The following COL14A1 variants were observed in gnomAD, a reference collection of about 807,000 sequenced individuals.
COL14A1 encodes collagen alpha-1(XIV) chain.
A neutral mutation model predicts 230.3 loss-of-function variants in COL14A1; 136 were observed. The ratio of observed to expected loss-of-function variants is 0.59; its 90% CI spans 0.51 to 0.68. COL14A1 has a LOEUF of 0.68. Ranked by LOEUF, COL14A1 falls within the 30% of genes least tolerant of loss-of-function variation. The probability of loss-of-function intolerance (pLI) is 0.00; values close to 1 mark genes in which losing one functional copy is unlikely to be tolerated. For synonymous variants in COL14A1, 792 were observed against 784.1 expected (o/e 1.01, Z -0.17); for missense variants, 1,976 against 2,215.8 (o/e 0.89, Z 2.17).
intron 34 of COL14A1, among the ~76,000 whole-genome samples, chr8:120,296,585 A>G (rs1476067086): frequency 5.3e-5 from 8 of 151,958 alleles, no homozygotes; most frequent in Admixed American, 5.3e-4. Flanking sequence ...ATTTAAAATG[A>G]AAACAATTTC....
intron 5 of COL14A1, among the ~76,000 whole-genome samples, chr8:120,175,810 C>A (rs897218131): frequency 6.6e-6 from 1 of 152,192 alleles, no homozygotes; most frequent in Non-Finnish European, 1.5e-5. Flanking sequence ...GGCACACAAT[C>A]CTTCACTAAA....
chr8:120,323,498 A>G (rs1036372229), intron 40 of COL14A1, among the ~76,000 whole-genome samples: 18 of 152,092 alleles, frequency 1.2e-4, no homozygotes, highest in Non-Finnish European at 4.4e-5. Context: ...GCCCGCTCCT[A>G]TGTCCTGAAT....
At chr8:120,315,495 C>T (rs763035968) in intron 38 of COL14A1, 38 bp from the exon 39 acceptor site, 1 of 1,537,802 alleles carries the variant, frequency 6.5e-7, no homozygotes, top group Non-Finnish European at 9.0e-7. Flanking sequence ...AAGAATTTAC[C>T]TATGTGAACT....
chr8:120,269,721 C>T (rs1819601914), intron 25 of COL14A1, among the ~76,000 whole-genome samples: 2 of 151,668 alleles, frequency 1.3e-5, no homozygotes, highest in Admixed American at 1.3e-4. Flanking sequence ...CTCTGAATCC[C>T]TGTAGTCCCA....
chr8:120,207,335 G>A (rs1002690863), intron 10 of COL14A1, among the ~76,000 whole-genome samples: 3 of 152,080 alleles, frequency 2.0e-5, no homozygotes, highest in Admixed American at 6.6e-5. Context: ...CTAACACAAC[G>A]TATTTTTCTT....
intron 5 of COL14A1, among the ~76,000 whole-genome samples, chr8:120,169,827 G>T (rs1303793294): frequency 6.6e-6 from 1 of 151,754 alleles, no homozygotes; most frequent in African/African-American, 2.4e-5. Context: ...AAATATGTTA[G>T]ATATAAAATG....
intron 14 of COL14A1, among the ~76,000 whole-genome samples, 153 bp downstream of exon 14, chr8:120,216,643 G>A (rs1172320931): frequency 1.3e-5 from 2 of 152,216 alleles, no homozygotes; most frequent in South Asian, 2.1e-4. Flanking sequence ...GAATTGGGGT[G>A]TGGATTGCAG....
intron 40 of COL14A1, among the ~76,000 whole-genome samples, chr8:120,322,730 T>TA (rs563441020): frequency 6.2e-5 from 3 of 48,398 alleles, no homozygotes; most frequent in African/African-American, 1.7e-4. Flanking sequence ...CATGTTCTTG[T>TA]TTTTTTTTTA....
Position 120,227,436 on chromosome 8 carries a change from A to G in COL14A1, c.2137+84A>G. 2.6e-6 allele frequency: 4 copies of G among 1,526,674 alleles called. No individual in the cohort carries two copies. The South Asian group carries it at 3.6e-5, about 14-fold the overall frequency. The allele number at this position is 1,526,674 out of a possible 1,614,324, so 94.6% of individuals were successfully genotyped here. A position where few individuals can be genotyped will look rare whatever the true frequency, so the allele number is the denominator to read the frequency against. ...ATCAATTTCCTTCCCCATCTGCTTTATCTTTGGCTATGTAAGCTTCAATTT... is the reference window on the plus strand; with the variant it reads ...ATCAATTTCCTTCCCCATCTGCTTTGTCTTTGGCTATGTAAGCTTCAATTT... On this transcript the variant is annotated intron_variant, in intron 17 of 47. Coordinates refer to ENST00000297848, the MANE Select transcript of COL14A1 (RefSeq NM_021110.4).
chr8:120,270,911 C>A (rs958534064), intron 26 of COL14A1, among the ~76,000 whole-genome samples: 1 of 151,692 alleles, frequency 6.6e-6, no homozygotes, highest in Non-Finnish European at 1.5e-5. Flanking sequence ...ACTGTAAAGA[C>A]ACATGCATGC....
At chr8:120,220,087 G>T (rs1030049768) in intron 14 of COL14A1, among the ~76,000 whole-genome samples, 1 of 151,934 alleles carries the variant, frequency 6.6e-6, no homozygotes, top group Non-Finnish European at 1.5e-5. Flanking sequence ...AAGTATTACT[G>T]TACCTAATTT....
intron 3 of COL14A1, among the ~76,000 whole-genome samples, chr8:120,158,703 A>T (rs1815561020): frequency 6.6e-6 from 1 of 152,194 alleles, no homozygotes; most frequent in Non-Finnish European, 1.5e-5. Context: ...TTTTTTGATC[A>T]TGAATAGTTA....
intron 2 of COL14A1, among the ~76,000 whole-genome samples, chr8:120,155,006 C>T (rs966407650): frequency 4.6e-5 from 7 of 152,132 alleles, no homozygotes; most frequent in African/African-American, 1.7e-4. Flanking sequence ...GACCTCAGGC[C>T]TCTTTCTTTT....
chr8:120,168,880 G>A (rs1816005582), intron 5 of COL14A1, among the ~76,000 whole-genome samples: 1 of 151,922 alleles, frequency 6.6e-6, no homozygotes, highest in Admixed American at 6.6e-5. Context: ...TTTTGAGGCA[G>A]GATCTCACTC....
At chr8:120,251,505 G>A (rs1268598887) in intron 22 of COL14A1, among the ~76,000 whole-genome samples, 6 of 151,962 alleles carry the variant, frequency 3.9e-5, no homozygotes, top group South Asian at 4.2e-4. Context: ...GGGTTTTCAC[G>A]TTGTCTGCAC....
At chr8:120,125,704 A>G (rs1345714362) in intron 1 of COL14A1, among the ~76,000 whole-genome samples, 2 of 152,102 alleles carry the variant, frequency 1.3e-5, no homozygotes, top group Non-Finnish European at 2.9e-5. Context: ...TCCATATAGA[A>G]GGGGCTTAAC....
chr8:120,250,776 A>G lies in COL14A1; in HGVS notation c.2752+10A>G. The G allele has an allele frequency of 1.2e-6, 2 of 1,613,556 alleles. No homozygotes were observed. Among genetic ancestry groups the G allele is most frequent in the Non-Finnish European group, 1.7e-6 (2 of 1,179,924 alleles). ...GGCATGGTGAAAACATGTAAGAGCC[A>G]TTTCCGATGGCCTCAGCCGCATATG... On this transcript the variant is annotated intron_variant, in intron 22 of 47. Transcript: ENST00000297848.
chr8:120,237,131 A>G (rs1197361712), intron 19 of COL14A1, among the ~76,000 whole-genome samples: 2 of 151,982 alleles, frequency 1.3e-5, no homozygotes, highest in Admixed American at 6.6e-5. Flanking sequence ...TGTTGTCTGT[A>G]TTTCCTGAAT....
At chr8:120,299,212 T>C (rs1820632039) in intron 35 of COL14A1, among the ~76,000 whole-genome samples, 1 of 152,040 alleles carries the variant, frequency 6.6e-6, no homozygotes, top group East Asian at 1.9e-4. Context: ...CCAAACTGTA[T>C]CAGTAAGACT....
Sources: gnomAD v4.1 joint callset for allele counts (sites outside exome capture counted in the v4.1 genomes callset) on GRCh38, gnomAD v4.1.1 for gene constraint, MANE v1.5 for transcripts, NCBI Gene and HGNC (gene_info 2026-07-23, HGNC 2026-07-21) for gene names.